HMGCLL1: variants seen among roughly 807,000 people sequenced by gnomAD.
The protein encoded by HMGCLL1 is 3-hydroxymethyl-3-methylglutaryl-CoA lyase, cytoplasmic.
In HMGCLL1, 36 loss-of-function variants were observed where a neutral mutation model predicts 39.1. The ratio of observed to expected loss-of-function variants is 0.92; its 90% CI spans 0.71 to 1.22. The LOEUF is 1.22. HMGCLL1 is among the 50% of genes most tolerant of loss of function. HMGCLL1 has a pLI of 0.00. For synonymous variants in HMGCLL1, 149 were observed against 144.0 expected, an observed-to-expected ratio of 1.03 and a Z score of -0.25; for missense variants, 451 against 416.5, an observed-to-expected ratio of 1.08 and a Z score of -0.72.
chr6:55,647,730 TGTC>T, the HMGCLL1 span, among the ~76,000 whole-genome samples: 1 of 134,298 alleles, frequency 7.4e-6, no homozygotes, highest in Non-Finnish European at 1.6e-5. Context: ...TTTCTCTTCA[TGTC>T]TTTTTTTTTT....
At chr6:55,618,393 A>G in the HMGCLL1 span, among the ~76,000 whole-genome samples, 2 of 152,090 alleles carry the variant, frequency 1.3e-5, no homozygotes, top group East Asian at 3.8e-4. Flanking sequence ...TCATTAATAA[A>G]ATTATTCTCT....
chr6:55,669,230 AT>A, the HMGCLL1 span, among the ~76,000 whole-genome samples: 6 of 151,864 alleles, frequency 4.0e-5, no homozygotes, highest in Non-Finnish European at 8.8e-5. Context: ...AAATGGATCA[AT>A]TTCCTTCCAG....
chr6:55,469,777 TC>T (rs1265493696), intron 7 of HMGCLL1, among the ~76,000 whole-genome samples: 3 of 151,780 alleles, frequency 2.0e-5, no homozygotes, highest in Non-Finnish European at 4.4e-5. Context: ...TGCATATTCA[TC>T]TTTTGGCACA....
chr6:55,632,780 G>T, the HMGCLL1 span, among the ~76,000 whole-genome samples: 1 of 152,026 alleles, frequency 6.6e-6, no homozygotes, highest in Non-Finnish European at 1.5e-5. Context: ...TGGTAAGTAA[G>T]CAATACATTT....
chr6:55,579,215 G>C, upstream of HMGCLL1: 1 of 624,282 alleles, frequency 1.6e-6, no homozygotes, highest in Admixed American at 2.8e-5. Context: ...CGCCGAGAGG[G>C]CGGGGAGTGG....
At chr6:55,562,527 C>T (rs546943777) in intron 1 of HMGCLL1, among the ~76,000 whole-genome samples, 10 of 152,206 alleles carry the variant, frequency 6.6e-5, no homozygotes, top group East Asian at 1.9e-4. Flanking sequence ...TGCCCTGGAA[C>T]GGTCTCCTTT....
the HMGCLL1 span, among the ~76,000 whole-genome samples, chr6:55,620,140 G>T: frequency 1.3e-5 from 2 of 152,100 alleles, no homozygotes; most frequent in Admixed American, 1.3e-4. Flanking sequence ...TAGTGCTGCA[G>T]TAAACATAGG....
the HMGCLL1 span, among the ~76,000 whole-genome samples, chr6:55,602,297 A>G: frequency 2.0e-5 from 3 of 152,150 alleles, no homozygotes; most frequent in Admixed American, 6.6e-5. Context: ...CAAAAAATGA[A>G]TATCCAAAAC....
At chr6:55,585,781 G>A in the HMGCLL1 span, among the ~76,000 whole-genome samples, 5 of 152,074 alleles carry the variant, frequency 3.3e-5, no homozygotes, top group South Asian at 1.0e-3. Context: ...GTCCACTACA[G>A]ATACTTTTAA....
chr6:55,568,898 T>C (rs767957881), intron 1 of HMGCLL1, among the ~76,000 whole-genome samples: 3 of 151,280 alleles, frequency 2.0e-5, no homozygotes, highest in East Asian at 1.9e-4. Context: ...TGGAAGGGGA[T>C]AGACACAGAA....
the HMGCLL1 span, among the ~76,000 whole-genome samples, chr6:55,587,995 C>T: frequency 1.4e-4 from 21 of 152,006 alleles, no homozygotes; most frequent in African/African-American, 3.6e-4. Context: ...GACAAATCAA[C>T]GAGACAGAAA....
chr6:55,583,249 GT>G (rs1324064857), upstream of HMGCLL1, among the ~76,000 whole-genome samples: 2 of 151,664 alleles, frequency 1.3e-5, no homozygotes, highest in African/African-American at 4.9e-5. Context: ...CAATGTGCAG[GT>G]TTGTTACATA....
At chr6:55,489,929 G>A (rs906293524) in intron 7 of HMGCLL1, among the ~76,000 whole-genome samples, 4 of 152,132 alleles carry the variant, frequency 2.6e-5, no homozygotes, top group Non-Finnish European at 4.4e-5. Context: ...TCCCAATATC[G>A]TATTCTGTAG....
At chr6:55,502,533 CTT>C (rs1581865367) in intron 5 of HMGCLL1, among the ~76,000 whole-genome samples, 1 of 151,696 alleles carries the variant, frequency 6.6e-6, no homozygotes, top group Admixed American at 6.6e-5. Flanking sequence ...GGGTTTCACT[CTT>C]ACAGTTTTCT....
At chr6:55,459,096 A>G (rs774482779) in intron 7 of HMGCLL1, among the ~76,000 whole-genome samples, 4 of 152,164 alleles carry the variant, frequency 2.6e-5, no homozygotes, top group Non-Finnish European at 5.9e-5. Flanking sequence ...TCCTGTCAAA[A>G]TTAGTACAGA....
At chr6:55,633,563 T>G in the HMGCLL1 span, among the ~76,000 whole-genome samples, 1 of 151,968 alleles carries the variant, frequency 6.6e-6, no homozygotes, top group South Asian at 2.1e-4. Context: ...CATAACCATT[T>G]TATGCAAAAG....
chr6:55,660,700 T>A, the HMGCLL1 span, among the ~76,000 whole-genome samples: 32 of 151,974 alleles, frequency 2.1e-4, no homozygotes, highest in Admixed American at 1.9e-3. Context: ...GTCCTTGTGG[T>A]AGAATGATTT....
intron 7 of HMGCLL1, among the ~76,000 whole-genome samples, chr6:55,441,404 G>A (rs1473974471): frequency 6.6e-6 from 1 of 152,088 alleles, no homozygotes; most frequent in Non-Finnish European, 1.5e-5. Flanking sequence ...CTTAGGAGAA[G>A]TTTTAGAAAT....
the HMGCLL1 span, among the ~76,000 whole-genome samples, chr6:55,673,682 T>G: frequency 6.6e-6 from 1 of 151,992 alleles, no homozygotes; most frequent in Non-Finnish European, 1.5e-5. Flanking sequence ...CAAACTATTT[T>G]GGTAGTGATG....
Sources: allele counts gnomAD v4.1 joint callset (sites outside exome capture counted in the v4.1 genomes callset), GRCh38; gene constraint gnomAD v4.1.1; transcripts MANE v1.5; gene names NCBI Gene and HGNC (gene_info 2026-07-23, HGNC 2026-07-21).